TOP2A: variants seen among roughly 807,000 people sequenced by gnomAD.
The protein encoded by TOP2A is DNA topoisomerase 2-alpha.
TOP2A carries 68 observed loss-of-function variants against 187.2 expected under a neutral mutation model. The observed-to-expected ratio is 0.36, with a 90% CI of 0.30 to 0.44. The LOEUF is 0.44. Among genes scored for constraint, TOP2A ranks in the 20% least tolerant of loss-of-function variants. The pLI, the probability that TOP2A is intolerant of heterozygous loss-of-function variation, is 1.00. For synonymous variants in TOP2A, 542 were observed against 593.2 expected, an observed-to-expected ratio of 0.91 and a Z score of 1.25; for missense variants, 1,196 against 1,808.7, an observed-to-expected ratio of 0.66 and a Z score of 6.14.
Position 40,389,531 on chromosome 17 carries a change from A to C in TOP2A, c.4584T>G (p.Asp1528Glu). Residue 1528 changes from aspartate (D) to glutamate (E), a missense_variant, in exon 35 of 35, where the codon GAT (aspartate) becomes GAG (glutamate). By Grantham distance (45) the Asp-to-Glu change is conservative. Transcript: ENST00000423485. ...PIKYLEESDE[D>E]DLF ...ATCGCCTCACATTTTAAAACAGATC[A>C]TCTTCATCTGACTCTTCCAGGTACT... 6.3e-7 allele frequency: 1 copy of C among 1,590,960 alleles called. No homozygotes were observed. Among genetic ancestry groups the C allele is most frequent in the Middle Eastern group, 1.7e-4 (1 of 6,030 alleles).
intron 29 of TOP2A, among the ~76,000 whole-genome samples, chr17:40,393,444 A>C (rs2035050964): frequency 6.6e-6 from 1 of 151,958 alleles, no homozygotes; most frequent in Non-Finnish European, 1.5e-5. Flanking sequence ...GCTGAGATAG[A>C]AGGATTGCTT....
chr17:40,395,653 T>G, intron 28 of TOP2A, 114 bp from the exon 29 acceptor site: 1 of 606,396 alleles, frequency 1.6e-6, no homozygotes, highest in Non-Finnish European at 2.8e-6. Context: ...CCCAGCACTT[T>G]GGGAGGCCGT....
In TOP2A at chr17:40,399,916, T is replaced by C. The variant is rs770048937; in HGVS notation, c.3152A>G (p.Gln1051Arg). ...TATTTTCTCTAAGATAAAGCGAGCC[T>C]GATTATTCAGTTTAGCAGATTCAGC... is the stretch of plus-strand genomic sequence containing the variant. Reference protein sequence around the residue: ...LGAESAKLNNQARFILEKIDG... With the variant: ...LGAESAKLNNRARFILEKIDG... The change falls in exon 24 of 35, where the codon CAG (glutamine) becomes CGG (arginine). Residue 1051 changes from glutamine to arginine, a missense_variant. This residue lies in a region of TOP2A where 232 missense variants were observed against 306.1 expected (regional missense o/e 0.76). Transcript: ENST00000423485. 6 of 1,611,196 alleles carry C rather than the reference T, an allele frequency of 3.7e-6. No homozygotes were observed. The East Asian group carries it at 8.9e-5, about 24-fold the overall frequency.
rs184189038 is a variant in TOP2A at position 40,417,577 on chromosome 17, G to A, written c.21+194C>T. On this transcript the variant is annotated intron_variant, in intron 1 of 34. Coordinates refer to ENST00000423485, the MANE Select transcript of TOP2A (RefSeq NM_001067.4). ...CAACGCACGACACCCTGGAAGCCGGGTCATACTTCACTACTAGCACCAGAA... is the reference window on the plus strand; with the variant it reads ...CAACGCACGACACCCTGGAAGCCGGATCATACTTCACTACTAGCACCAGAA... 136 of 1,442,614 alleles carry A rather than the reference G, an allele frequency of 9.4e-5. 2 individuals carry two copies. The South Asian group carries it at 1.2e-3, about 13-fold the overall frequency. The allele number at this position is 1,442,614 out of a possible 1,614,324, so 89.4% of individuals were successfully genotyped here.
rs559336944 is a variant in TOP2A, at chr17:40,392,817, T to G, written c.3812-80A>C. 659 of 1,130,102 alleles carry G rather than the reference T, an allele frequency of 5.8e-4. 1 individual carries two copies. The highest frequency in any genetic ancestry group is 7.5e-4 in the Non-Finnish European group (595 of 794,640). The allele number at this position is 1,130,102 out of a possible 1,614,324, so 70.0% of individuals were successfully genotyped here. A position where few individuals can be genotyped will look rare whatever the true frequency, so the allele number is the denominator to read the frequency against. ...TCTATCATCCATCCATCCTTCAAAT[T>G]TATTAACTCCTGTGATAGTTCTGAG... On this transcript the variant is annotated intron_variant, in intron 29 of 34. Coordinates refer to ENST00000423485, the MANE Select transcript of TOP2A (RefSeq NM_001067.4).
At chr17:40,397,290 T>C (rs1283663179) in intron 27 of TOP2A, among the ~76,000 whole-genome samples, 1 of 150,600 alleles carries the variant, frequency 6.6e-6, no homozygotes, top group Non-Finnish European at 1.5e-5. Flanking sequence ...TTCTCCTTTT[T>C]TTTTTTTTTT....
Position 40,392,679 on chromosome 17 carries a change from CT to C in TOP2A, c.3869del (p.Lys1290ArgfsTer80). Reference sequence around the variant, plus strand: ...ATTCTGAATCAGACCAGGGATTTCTCTTCTTTCCTTTTTTGATTGGCTTAAA... The same window carrying C: ...ATTCTGAATCAGACCAGGGATTTCTCTCTTTCCTTTTTTGATTGGCTTAAA... ...LAFKPIKKGK[K>X]RNPWSDSESD... On this transcript the variant is annotated frameshift_variant, in exon 30 of 35. Coordinates refer to ENST00000423485, the MANE Select transcript of TOP2A (RefSeq NM_001067.4). LOFTEE classifies it high-confidence loss of function. 6.2e-7 allele frequency: 1 copy of C among 1,613,186 alleles called. No homozygotes were observed. Among genetic ancestry groups the C allele is most frequent in the Non-Finnish European group, 8.5e-7 (1 of 1,179,750 alleles).
chr17:40,390,936 T>G (rs1015173551), intron 33 of TOP2A, among the ~76,000 whole-genome samples: 1 of 152,120 alleles, frequency 6.6e-6, no homozygotes, highest in East Asian at 1.9e-4. Context: ...TAAACTTAAT[T>G]CAATTTCAAG....
At chr17:40,402,206 G>C (rs1249341908) in intron 20 of TOP2A, among the ~76,000 whole-genome samples, 4 of 152,152 alleles carry the variant, frequency 2.6e-5, no homozygotes, top group Non-Finnish European at 5.9e-5. Flanking sequence ...ACTGAGACAG[G>C]AAAACTAAGG....
chr17:40,408,697 T>C (rs2035278534), intron 10 of TOP2A, 67 bp from the exon 11 acceptor site: 8 of 1,474,412 alleles, frequency 5.4e-6, no homozygotes, highest in Non-Finnish European at 7.6e-6. Flanking sequence ...AAATCTAGAA[T>C]ACAAATGAGC....
intron 23 of TOP2A, 71 bp from the exon 24 acceptor site, chr17:40,400,138 T>C: frequency 1.9e-6 from 3 of 1,584,140 alleles, no homozygotes; most frequent in Non-Finnish European, 2.6e-6. Context: ...TAGACTAAGA[T>C]ATACTTTTAA....
rs755673628 is a variant in TOP2A at position 40,412,809 on chromosome 17, C to A, written c.739G>T (p.Ala247Ser). The A allele has an allele frequency of 6.8e-6, 11 of 1,613,976 alleles. No individual in the cohort carries two copies. Among genetic ancestry groups the A allele is most frequent in the Non-Finnish European group, 9.3e-6 (11 of 1,179,874 alleles). ...ACTTTGACATCTTTGGTGGATCCAG[C>A]AATATCATATGCTCTTCTGACCATT... The part of the protein sequence containing the change: ...ALMVRRAYDI[A>S]GSTKDVKVFL... Residue 247 changes from alanine (A) to serine (S), a missense_variant, in exon 7 of 35, where the codon GCT (alanine) becomes TCT (serine). Physicochemically the swap from Ala to Ser is moderately conservative, Grantham distance 99 (BLOSUM62 1). Around this residue, in one of 10 missense-constraint regions of TOP2A, gnomAD observed 252 missense variants for 434.8 expected, o/e 0.58. Transcript: ENST00000423485.
intron 13 of TOP2A, 66 bp downstream of exon 13, chr17:40,407,483 A>G: frequency 7.5e-7 from 1 of 1,326,310 alleles, no homozygotes; most frequent in South Asian, 1.5e-5. Flanking sequence ...GGCAAAAAAC[A>G]ATGAAATTAA....
At position 40,410,540 on chromosome 17, in the gene TOP2A, A is replaced by G. The variant is rs539176384; in HGVS notation, c.1203+569T>C. On this transcript the variant is annotated intron_variant, in intron 10 of 34. Transcript: ENST00000423485. ...AAAGTCACTCAAAAGCATTCCAAGG[A>G]AAGGACTTAACCAGTATGAAGGTTA... is the stretch of plus-strand genomic sequence containing the variant. 517 of 412,550 alleles carry G rather than the reference A, an allele frequency of 1.3e-3. 2 individuals carry two copies. Among genetic ancestry groups the G allele is most frequent in the Non-Finnish European group, 1.9e-3 (410 of 212,594 alleles). The allele number at this position is 412,550 out of a possible 1,614,324, so 25.6% of individuals were successfully genotyped here. A position where few individuals can be genotyped will look rare whatever the true frequency, so the allele number is the denominator to read the frequency against.
At chr17:40,410,544 G>T in intron 10 of TOP2A, 1 of 430,950 alleles carries the variant, frequency 2.3e-6, no homozygotes, top group Non-Finnish European at 4.6e-6. Context: ...CCAAGGAAAG[G>T]ACTTAACCAG....
chr17:40,403,080 G>A, intron 19 of TOP2A, 26 bp from the exon 20 acceptor site: 1 of 1,572,198 alleles, frequency 6.4e-7, no homozygotes, highest in Non-Finnish European at 8.7e-7. Context: ...GATTCATTAA[G>A]CTGAGGCTTT....
rs755799379 is a variant in TOP2A, at chr17:40,400,041, T to C, written c.3027A>G (p.Leu1009=). ...SMVLFDHVGC[L]KKYDTVLDIL... ...TATCCAACACCGTGTCATATTTCTTTAAACAGCCTACGTGGTCAAAAAGCA... is the reference window on the plus strand; with the variant it reads ...TATCCAACACCGTGTCATATTTCTTCAAACAGCCTACGTGGTCAAAAAGCA... Residue 1009 remains leucine (L), a synonymous_variant, in exon 24 of 35, where the codon TTA becomes TTG. Coordinates refer to ENST00000423485, the MANE Select transcript of TOP2A (RefSeq NM_001067.4). The C allele has an allele frequency of 2.5e-6, 4 of 1,610,748 alleles. No individual in the cohort carries two copies. Among genetic ancestry groups the C allele is most frequent in the Non-Finnish European group, 3.4e-6 (4 of 1,178,940 alleles).
intron 19 of TOP2A, 97 bp downstream of exon 19, chr17:40,404,055 A>G (rs1362603412): frequency 6.8e-7 from 1 of 1,462,152 alleles, no homozygotes; most frequent in Non-Finnish European, 9.2e-7. Flanking sequence ...CTTTACTATG[A>G]ATATATGAGC....
At position 40,411,298 on chromosome 17, in the gene TOP2A, ATAG is replaced by A; in HGVS notation, c.1065+53_1066-53del. The A allele has an allele frequency of 6.2e-7, 1 of 1,612,440 alleles. No homozygotes were observed. Among genetic ancestry groups the A allele is most frequent in the Non-Finnish European group, 8.5e-7 (1 of 1,179,318 alleles). On this transcript the variant is annotated intron_variant, in intron 9 of 34. Transcript: ENST00000423485. This position sits in a 1 kb window ranked among gnomAD's most constrained non-coding sequence, Gnocchi z 4.4. Reference sequence around the variant, plus strand: ...CTAAAAATGTACTCATGCTTTATTTATAGCCTTTCTCTTCTTCCTTGACTTTAG... The same window carrying A: ...CTAAAAATGTACTCATGCTTTATTTACCTTTCTCTTCTTCCTTGACTTTAG...
Sources: allele counts gnomAD v4.1 joint callset (sites outside exome capture counted in the v4.1 genomes callset), GRCh38; gene constraint gnomAD v4.1.1; regional missense constraint gnomAD v4.1.1; non-coding constraint Gnocchi (gnomAD v3.1); transcripts MANE v1.5; gene names NCBI Gene and HGNC (gene_info 2026-07-23, HGNC 2026-07-21).